CDC14A: variants seen among roughly 807,000 people sequenced by gnomAD.
CDC14A encodes cell division cycle 14A, also known as dual specificity protein phosphatase CDC14A.
In CDC14A, 53 loss-of-function variants were observed where a neutral mutation model predicts 74.4. That is an observed-to-expected ratio of 0.71 (90% CI 0.57 to 0.89). CDC14A has a LOEUF of 0.89. Among genes scored for constraint, CDC14A ranks in the 40% least tolerant of loss-of-function variants. CDC14A has a pLI of 0.00. For missense variants in CDC14A, 646 were observed against 713.7 expected, an observed-to-expected ratio of 0.91 and a Z score of 1.08; for synonymous variants, 247 against 258.4, an observed-to-expected ratio of 0.96 and a Z score of 0.43.
At chr1:100,389,882 A>G (rs922196284) in intron 3 of CDC14A, among the ~76,000 whole-genome samples, 6 of 152,196 alleles carry the variant, frequency 3.9e-5, no homozygotes, top group South Asian at 2.1e-4. Flanking sequence ...TTGTCAAAAT[A>G]CATAAATTTT....
intron 15 of CDC14A, among the ~76,000 whole-genome samples, chr1:100,501,072 T>C (rs1258894407): frequency 1.3e-5 from 2 of 152,162 alleles, no homozygotes; most frequent in East Asian, 3.8e-4. Flanking sequence ...TGCCAGCCCA[T>C]CTACCCCTTA....
intron 15 of CDC14A, among the ~76,000 whole-genome samples, chr1:100,504,326 T>C (rs972042486): frequency 3.9e-5 from 6 of 152,204 alleles, no homozygotes; most frequent in Non-Finnish European, 8.8e-5. Context: ...CCATTGTCTC[T>C]TGGAATTTTT....
chr1:100,416,252 A>G (rs1160731394), intron 4 of CDC14A, among the ~76,000 whole-genome samples: 4 of 152,198 alleles, frequency 2.6e-5, no homozygotes, highest in African/African-American at 9.6e-5. Context: ...TTTCCTAAAA[A>G]CAAATCCAAC....
At position 100,508,735 on chromosome 1, in the gene CDC14A, C is replaced by G. The variant is rs905447131; in HGVS notation, c.1755+9473C>G. Among the ~76,000 whole-genome samples the G allele has an allele frequency of 2.6e-5, 4 of 152,160 alleles. No homozygotes were observed. The highest frequency in any genetic ancestry group is 9.7e-5 in the African/African-American group (4 of 41,430). ...CCATGTGGGAGAGCCTGACTCCACC[C>G]CTGATTTCAGGCCAGGGGCTTTCGA... On this transcript the variant is annotated intron_variant, in intron 15 of 15. Transcript: ENST00000336454. The surrounding 1 kb of genome is among the most constrained non-coding windows in gnomAD (Gnocchi z 4.4).
intron 4 of CDC14A, among the ~76,000 whole-genome samples, chr1:100,420,089 A>G (rs868281231): frequency 0.018 from 807 of 45,438 alleles, 4 homozygotes; most frequent in Non-Finnish European, 0.023. Context: ...TATAGTGTGT[A>G]TGTGTGTGTG....
chr1:100,387,998 T>C (rs1278296512), intron 3 of CDC14A, among the ~76,000 whole-genome samples: 1 of 152,244 alleles, frequency 6.6e-6, no homozygotes, highest in East Asian at 1.9e-4. Flanking sequence ...CAGTAGTTTG[T>C]CATAAAACCT....
At chr1:100,414,042 G>A (rs1290638420) in intron 4 of CDC14A, among the ~76,000 whole-genome samples, 1 of 152,092 alleles carries the variant, frequency 6.6e-6, no homozygotes, top group Non-Finnish European at 1.5e-5. Context: ...TGAAAATAGT[G>A]TCTTCTACTA....
At chr1:100,471,747 G>T (rs1214739996) in intron 10 of CDC14A, among the ~76,000 whole-genome samples, 1 of 152,082 alleles carries the variant, frequency 6.6e-6, no homozygotes, top group African/African-American at 2.4e-5. Flanking sequence ...ACAGGAAAAG[G>T]TCTTTTTAGT....
At chr1:100,514,640 A>T (rs1650044900) in intron 15 of CDC14A, among the ~76,000 whole-genome samples, 1 of 152,196 alleles carries the variant, frequency 6.6e-6, no homozygotes, top group Non-Finnish European at 1.5e-5. Flanking sequence ...TCTTAATTAC[A>T]TGAATTGGGG....
rs1226720538 is a variant in CDC14A, at chr1:100,498,173, A to C, written c.1387A>C (p.Arg463=). 5.6e-6 allele frequency: 9 copies of C among 1,614,154 alleles called. No individual in the cohort carries two copies. Among genetic ancestry groups the C allele is most frequent in the Non-Finnish European group, 7.6e-6 (9 of 1,179,988 alleles). The change falls in exon 14 of 16, where the codon AGA becomes CGA. Residue 463 remains arginine (R), a synonymous_variant. Coordinates refer to ENST00000336454, the MANE Select transcript of CDC14A (RefSeq NM_003672.4). ...SPSATAKRIN[R]TSLSSGATVR... ...TTCAGCAACGGCCAAGAGGATCAAC[A>C]GAACTTCTTTGTCTTCGGGTGCCAC...
intron 4 of CDC14A, among the ~76,000 whole-genome samples, chr1:100,400,095 G>A (rs150232882): frequency 3.9e-5 from 6 of 152,256 alleles, no homozygotes; most frequent in East Asian, 1.9e-4. Flanking sequence ...ACATTAAGCC[G>A]TCTGCTGAGT....
intron 15 of CDC14A, among the ~76,000 whole-genome samples, chr1:100,511,454 G>A (rs905762668): frequency 6.6e-6 from 1 of 152,140 alleles, no homozygotes; most frequent in African/African-American, 2.4e-5. Context: ...TCCTAAGCCT[G>A]CCCCTTAATG....
intron 4 of CDC14A, among the ~76,000 whole-genome samples, chr1:100,403,810 C>T (rs928811207): frequency 1.3e-5 from 2 of 152,164 alleles, no homozygotes; most frequent in African/African-American, 4.8e-5. Flanking sequence ...ACGTTGTGGG[C>T]CCTGAGGAGC....
chr1:100,353,796 A>T lies in CDC14A; in HGVS notation c.84A>T (p.Pro28=). 6.2e-7 allele frequency: 1 copy of T among 1,607,288 alleles called. No homozygotes were observed. The highest frequency in any genetic ancestry group is 2.2e-5 in the East Asian group (1 of 44,844). Residue 28 remains proline, a synonymous_variant, in exon 2 of 16, where the codon CCA becomes CCT. Coordinates refer to ENST00000336454, the MANE Select transcript of CDC14A (RefSeq NM_003672.4). ...RLYFATLRNR[P]KSTVNTHYFS... is the part of the protein sequence containing the mutation. Reference sequence around the variant, plus strand: ...ATTTTGCTACTTTAAGGAATAGACCAAAAAGCACAGTAAATACCCACTATT... The same window carrying T: ...ATTTTGCTACTTTAAGGAATAGACCTAAAAGCACAGTAAATACCCACTATT...
chr1:100,363,142 G>T (rs1031865677), intron 2 of CDC14A: 2 of 152,268 alleles, frequency 1.3e-5, no homozygotes, highest in Admixed American at 6.5e-5. Flanking sequence ...CACTCGGCCA[G>T]TGCCGTCTTG....
chr1:100,386,165 T>TA (rs559078931), intron 3 of CDC14A, among the ~76,000 whole-genome samples: 121 of 140,636 alleles, frequency 8.6e-4, no homozygotes, highest in East Asian at 4.3e-3. Flanking sequence ...AGATAGTATT[T>TA]AAAAAAAAAA....
intron 10 of CDC14A, among the ~76,000 whole-genome samples, chr1:100,470,020 G>C (rs560612608): frequency 7.9e-5 from 12 of 152,110 alleles, no homozygotes; most frequent in Non-Finnish European, 1.5e-4. Flanking sequence ...GATTTGAACA[G>C]AAAGTCCTCC....
chr1:100,406,815 T>A (rs139375027), intron 4 of CDC14A, among the ~76,000 whole-genome samples: 10,570 of 151,650 alleles, frequency 0.07, 797 homozygotes, highest in African/African-American at 0.18. Flanking sequence ...AATCCTAGCT[T>A]CTCAGGAGGC....
At chr1:100,484,059 A>G (rs1237086518) in intron 10 of CDC14A, among the ~76,000 whole-genome samples, 1 of 152,196 alleles carries the variant, frequency 6.6e-6, no homozygotes, top group South Asian at 2.1e-4. Context: ...AGTCAACTAT[A>G]TAGACAAATA....
Sources: gnomAD v4.1 joint callset for allele counts (sites outside exome capture counted in the v4.1 genomes callset) on GRCh38, gnomAD v4.1.1 for gene constraint, Gnocchi (gnomAD v3.1) non-coding constraint, MANE v1.5 for transcripts, NCBI Gene and HGNC (gene_info 2026-07-23, HGNC 2026-07-21) for gene names.